Variants in ZBTB40 observed in about 807,000 individuals in gnomAD.
ZBTB40 encodes the protein zinc finger and BTB domain containing 40.
Under a neutral mutation model 117.5 loss-of-function variants are expected in ZBTB40, and 60 were observed. The ratio of observed to expected loss-of-function variants is 0.51; its 90% CI spans 0.41 to 0.63. The LOEUF is 0.63. ZBTB40 is among the 30% of genes least tolerant of loss of function. The pLI, the probability that ZBTB40 is intolerant of heterozygous loss-of-function variation, is 0.00. For missense variants in ZBTB40, 1,287 were observed against 1,498.5 expected (o/e 0.86, Z 2.33); for synonymous variants, 525 against 577.1 (o/e 0.91, Z 1.29).
chr1:22,471,196 G>T (rs1191433950), intron 1 of ZBTB40, among the ~76,000 whole-genome samples: 1 of 152,254 alleles, frequency 6.6e-6, no homozygotes, highest in Non-Finnish European at 1.5e-5. Flanking sequence ...CAGCCAGCCA[G>T]CTGGCCTATT....
At chr1:22,437,700 G>A (rs145629085) in intron 1 of ZBTB40, among the ~76,000 whole-genome samples, 1,552 of 152,074 alleles carry the variant, frequency 0.01, 20 homozygotes, top group African/African-American at 0.034. Context: ...GATTACAGGC[G>A]TGAGCCACTG....
chr1:22,503,690 T>C (rs1639006517), intron 5 of ZBTB40, among the ~76,000 whole-genome samples: 2 of 152,258 alleles, frequency 1.3e-5, no homozygotes, highest in African/African-American at 4.8e-5. Flanking sequence ...TTTAAATTTT[T>C]AAGTCCTTTG....
intron 11 of ZBTB40, among the ~76,000 whole-genome samples, chr1:22,512,655 G>A (rs1364583669): frequency 6.6e-6 from 1 of 152,214 alleles, no homozygotes; most frequent in Non-Finnish European, 1.5e-5. Context: ...CTATTTAAGA[G>A]AGAGAAGGGA....
intron 1 of ZBTB40, among the ~76,000 whole-genome samples, chr1:22,458,407 T>C (rs1641054070): frequency 6.6e-6 from 1 of 152,216 alleles, no homozygotes; most frequent in South Asian, 2.1e-4. Flanking sequence ...AGTTGAAATC[T>C]CTCAGTGGCC....
intron 5 of ZBTB40, among the ~76,000 whole-genome samples, chr1:22,503,619 A>ACC (rs1639004724): frequency 6.6e-6 from 1 of 152,158 alleles, no homozygotes; most frequent in African/African-American, 2.4e-5. Flanking sequence ...ACGCACACAC[A>ACC]CACACACACA....
chr1:22,459,803 C>T (rs965948661), intron 1 of ZBTB40, among the ~76,000 whole-genome samples: 1 of 152,170 alleles, frequency 6.6e-6, no homozygotes, highest in African/African-American at 2.4e-5. Context: ...GAACTAGCAT[C>T]TTTACCATAT....
intron 1 of ZBTB40, among the ~76,000 whole-genome samples, chr1:22,463,451 A>G (rs147838047): frequency 6.6e-4 from 101 of 152,354 alleles, no homozygotes; most frequent in African/African-American, 2.4e-3. Context: ...GCAGAGCAAA[A>G]TGCCTTTCAG....
rs201525116 is a variant in ZBTB40 at position 22,511,673 on chromosome 1, C to T, written c.2003-3C>T. On this transcript the variant is annotated splice_region_variant and splice_polypyrimidine_tract_variant and intron_variant, in intron 10 of 17. Coordinates refer to ENST00000375647, the MANE Select transcript of ZBTB40 (RefSeq NM_014870.4). ...AGAGCCACGAGATGTCTCTTTTATGCAGGTGTCCTTACTAAGGAAGATGGA... is the reference window on the plus strand; with the variant it reads ...AGAGCCACGAGATGTCTCTTTTATGTAGGTGTCCTTACTAAGGAAGATGGA... 2 of 1,610,568 alleles carry T rather than the reference C, an allele frequency of 1.2e-6. No homozygotes were observed. The highest frequency in any genetic ancestry group is 1.7e-6 in the Non-Finnish European group (2 of 1,179,188).
chr1:22,473,624 T>C (rs950622134), intron 1 of ZBTB40, among the ~76,000 whole-genome samples: 9 of 152,220 alleles, frequency 5.9e-5, no homozygotes, highest in Non-Finnish European at 2.9e-5. Flanking sequence ...GAATTGGTGA[T>C]TGAGAAAAAC....
In ZBTB40 at chr1:22,524,294, G is replaced by A. The variant is rs767797492; in HGVS notation, c.3375G>A (p.Thr1125=). 5.9e-5 allele frequency: 96 copies of A among 1,614,004 alleles called. No individual in the cohort carries two copies. The South Asian group carries it at 7.1e-4, about 12-fold the overall frequency. ...FPGALQHHVT[T]EHFKQSETTF... Reference sequence around the variant, plus strand: ...GAGCATTGCAGCACCATGTCACCACGGAGCACTTCAAGCAGTCAGAGACCA... The same window carrying A: ...GAGCATTGCAGCACCATGTCACCACAGAGCACTTCAAGCAGTCAGAGACCA... The change falls in exon 17 of 18, where the codon ACG becomes ACA. Residue 1125 remains threonine, a synonymous_variant. Transcript: ENST00000375647.
intron 1 of ZBTB40, among the ~76,000 whole-genome samples, chr1:22,485,582 T>G (rs942626657): frequency 1.3e-5 from 2 of 152,170 alleles, no homozygotes; most frequent in Non-Finnish European, 2.9e-5. Flanking sequence ...TTGAGTTTCC[T>G]GGATCTGTGA....
At chr1:22,516,385 G>A (rs1050559546) in intron 12 of ZBTB40, among the ~76,000 whole-genome samples, 1 of 152,152 alleles carries the variant, frequency 6.6e-6, no homozygotes, top group African/African-American at 2.4e-5. Context: ...GGACATATGG[G>A]TCTGGAGTTC....
intron 1 of ZBTB40, among the ~76,000 whole-genome samples, chr1:22,477,589 C>T (rs1025284447): frequency 2.0e-5 from 3 of 149,590 alleles, no homozygotes; most frequent in Non-Finnish European, 4.4e-5. Context: ...GCGGAGGTTG[C>T]AGTGAGCTGA....
At chr1:22,444,228 C>T in intron 1 of ZBTB40, among the ~76,000 whole-genome samples, 1 of 152,038 alleles carries the variant, frequency 6.6e-6, no homozygotes, top group Non-Finnish European at 1.5e-5. Flanking sequence ...GCCTGGCAAA[C>T]ATGCGAAAAC....
chr1:22,439,552 A>G (rs1357500516), intron 1 of ZBTB40, among the ~76,000 whole-genome samples: 1 of 152,298 alleles, frequency 6.6e-6, no homozygotes, highest in East Asian at 1.9e-4. Context: ...TTATTCTTTC[A>G]TATGTAGTTT....
Position 22,526,538 on chromosome 1 carries a change from C to A in ZBTB40, c.*142C>A. 9.4e-7 allele frequency: 1 copy of A among 1,058,844 alleles called. No individual in the cohort carries two copies. Among genetic ancestry groups the A allele is most frequent in the Non-Finnish European group, 1.4e-6 (1 of 710,280 alleles). The allele number at this position is 1,058,844 out of a possible 1,614,324, so 65.6% of individuals were successfully genotyped here. A position where few individuals can be genotyped will look rare whatever the true frequency, so the allele number is the denominator to read the frequency against. On this transcript the variant is annotated 3_prime_UTR_variant, in exon 18 of 18. Transcript: ENST00000375647. ...AACCAACACAGTCTCACCTAGAAAACAGATGGAAGCTTCGTTGTTCTCATA... is the reference window on the plus strand; with the variant it reads ...AACCAACACAGTCTCACCTAGAAAAAAGATGGAAGCTTCGTTGTTCTCATA...
chr1:22,475,536 T>G (rs1380639633), intron 1 of ZBTB40, among the ~76,000 whole-genome samples: 1 of 152,242 alleles, frequency 6.6e-6, no homozygotes, highest in Non-Finnish European at 1.5e-5. Context: ...TGTTTCTTCC[T>G]TTGTCTGCAA....
intron 17 of ZBTB40, 105 bp downstream of exon 17, chr1:22,524,549 T>C: frequency 7.8e-7 from 1 of 1,275,896 alleles, no homozygotes; most frequent in Non-Finnish European, 1.1e-6. Flanking sequence ...TTGGGGATCT[T>C]GTAGAGAGTC....
chr1:22,508,724 C>A lies in ZBTB40; in HGVS notation c.1692C>A (p.Phe564Leu). 5.6e-6 allele frequency: 9 copies of A among 1,613,600 alleles called. No homozygotes were observed. In the South Asian group the frequency reaches 9.9e-5, roughly 18 times the overall value. ...GGGAGCCTGGTGCCGATGCTTTCTT[C>A]CGGGCAGGTAAGTTACCTGCCCTCT... ...IRREPGADAF[F>L]RAVTTPEHAT... Residue 564 changes from phenylalanine (F) to leucine (L), a missense_variant, in exon 8 of 18, where the codon TTC (phenylalanine) becomes TTA (leucine). This residue lies in a region of ZBTB40 where 870 missense variants were observed against 934.4 expected (regional missense o/e 0.93). Transcript: ENST00000375647.
Sources: gnomAD v4.1 joint callset for allele counts (sites outside exome capture counted in the v4.1 genomes callset) on GRCh38, gnomAD v4.1.1 for gene constraint, gnomAD v4.1.1 regional missense constraint, MANE v1.5 for transcripts, NCBI Gene and HGNC (gene_info 2026-07-23, HGNC 2026-07-21) for gene names.